Variants in CTNNA2 observed in about 807,000 individuals in gnomAD.
The protein encoded by CTNNA2 is catenin alpha 2, also known as catenin alpha-2.
In CTNNA2, 42 loss-of-function variants were observed where a neutral mutation model predicts 101.0. That is an observed-to-expected ratio of 0.42 (90% confidence interval 0.32 to 0.54). CTNNA2 has a LOEUF of 0.54. CTNNA2 is among the 20% of genes least tolerant of loss of function. The pLI is 0.14. For synonymous variants in CTNNA2, 450 were observed against 456.4 expected (o/e 0.99, Z 0.18); for missense variants, 871 against 1,223.1 (o/e 0.71, Z 4.29).
intron 7 of CTNNA2, among the ~76,000 whole-genome samples, chr2:80,099,399 T>C (rs1700396099): frequency 6.6e-6 from 1 of 152,132 alleles, no homozygotes; most frequent in South Asian, 2.1e-4. Context: ...CATGTTGGAA[T>C]ACATTGATAA....
intron 7 of CTNNA2, among the ~76,000 whole-genome samples, chr2:80,263,825 T>A (rs1169483941): frequency 6.6e-6 from 1 of 152,250 alleles, no homozygotes; most frequent in East Asian, 1.9e-4. Context: ...TTGGTTCCAC[T>A]GTTCCACTGA....
intron 4 of CTNNA2, among the ~76,000 whole-genome samples, chr2:79,475,478 A>T (rs563922537): frequency 1.3e-5 from 2 of 152,194 alleles, no homozygotes; most frequent in African/African-American, 4.8e-5. Context: ...GCTAGCATTG[A>T]ATAAAGCAGA....
At chr2:79,610,819 A>G (rs1016565346) in intron 1 of CTNNA2, among the ~76,000 whole-genome samples, 3 of 152,142 alleles carry the variant, frequency 2.0e-5, no homozygotes, top group African/African-American at 4.8e-5. Context: ...TGTTCCGCAA[A>G]TTATCAAATT....
intron 16 of CTNNA2, among the ~76,000 whole-genome samples, chr2:80,606,933 G>A (rs1698080465): frequency 6.6e-6 from 1 of 151,858 alleles, no homozygotes; most frequent in East Asian, 1.9e-4. Flanking sequence ...GGTCCCTGGA[G>A]TAGGATAAAT....
intron 2 of CTNNA2, among the ~76,000 whole-genome samples, chr2:79,724,292 C>CTG (rs1686674904): frequency 6.6e-6 from 1 of 151,524 alleles, no homozygotes; most frequent in African/African-American, 2.4e-5. Context: ...CAAAACAAAA[C>CTG]AAAGAAACTG....
At chr2:79,824,232 A>T (rs991121037) in intron 3 of CTNNA2, among the ~76,000 whole-genome samples, 1 of 152,140 alleles carries the variant, frequency 6.6e-6, no homozygotes, top group African/African-American at 2.4e-5. Context: ...CTGCTGCCAG[A>T]TACAGTTTCT....
intron 12 of CTNNA2, among the ~76,000 whole-genome samples, chr2:80,556,761 GAA>G (rs1328526160): frequency 3.9e-5 from 6 of 152,176 alleles, no homozygotes; most frequent in African/African-American, 1.4e-4. Context: ...CTAGGGAATA[GAA>G]AAAGAGAATG....
chr2:79,436,153 C>T (rs773060983), intron 4 of CTNNA2, among the ~76,000 whole-genome samples: 11 of 152,066 alleles, frequency 7.2e-5, no homozygotes, highest in Non-Finnish European at 1.3e-4. Context: ...ACACTGATCA[C>T]GGATATGAAA....
chr2:80,228,634 A>T (rs2149069187), intron 7 of CTNNA2, among the ~76,000 whole-genome samples: 1 of 152,322 alleles, frequency 6.6e-6, no homozygotes, highest in Non-Finnish European at 1.5e-5. Flanking sequence ...CACAAGAAAC[A>T]GATCCACTCA....
chr2:80,307,876 A>G (rs1677176971), intron 7 of CTNNA2, among the ~76,000 whole-genome samples: 1 of 152,220 alleles, frequency 6.6e-6, no homozygotes, highest in South Asian at 2.1e-4. Flanking sequence ...AGAAATGATA[A>G]GAATCTTGAA....
chr2:80,224,860 C>T (rs992953220), intron 7 of CTNNA2, among the ~76,000 whole-genome samples: 1 of 151,998 alleles, frequency 6.6e-6, no homozygotes, highest in Non-Finnish European at 1.5e-5. Context: ...TTTCCCACAC[C>T]TTTCTTGCTT....
chr2:80,313,278 C>T (rs1677775335), intron 7 of CTNNA2: 1 of 783,452 alleles, frequency 1.3e-6, no homozygotes, highest in Admixed American at 4.7e-5. Context: ...CAATCTCTGA[C>T]AAGAATCTTG....
At chr2:79,648,385 G>T (rs758002053) in intron 1 of CTNNA2, among the ~76,000 whole-genome samples, 8 of 152,138 alleles carry the variant, frequency 5.3e-5, no homozygotes, top group Non-Finnish European at 1.0e-4. Flanking sequence ...GAAGACTATG[G>T]TTATGATTAC....
chr2:80,557,936 A>G (rs974448105), intron 12 of CTNNA2, among the ~76,000 whole-genome samples: 18 of 152,134 alleles, frequency 1.2e-4, no homozygotes, highest in African/African-American at 4.1e-4. Context: ...AGTTTTTACA[A>G]TTTTTATCCT....
chr2:79,515,677 A>C (rs984543340), intron 1 of CTNNA2, among the ~76,000 whole-genome samples: 2 of 152,224 alleles, frequency 1.3e-5, no homozygotes, highest in Non-Finnish European at 2.9e-5. Flanking sequence ...ACAATTAATA[A>C]AATGTGCATT....
intron 2 of CTNNA2, among the ~76,000 whole-genome samples, chr2:79,243,374 C>T (rs143069141): frequency 1.6e-4 from 25 of 152,290 alleles, no homozygotes; most frequent in African/African-American, 6.0e-4. Flanking sequence ...GCATAGTGTG[C>T]AGTAGTTACT....
At chr2:79,826,897 G>C (rs1678486289) in intron 3 of CTNNA2, among the ~76,000 whole-genome samples, 1 of 152,304 alleles carries the variant, frequency 6.6e-6, no homozygotes, top group South Asian at 2.1e-4. Context: ...CTCAGGAAGA[G>C]AAAGAGAGTC....
intron 2 of CTNNA2, among the ~76,000 whole-genome samples, chr2:79,250,770 T>G (rs1674761144): frequency 6.6e-6 from 1 of 152,218 alleles, no homozygotes; most frequent in Non-Finnish European, 1.5e-5. Context: ...GTATTACATT[T>G]GAATGCCTTA....
chr2:80,562,045 C>T (rs1693649592), intron 12 of CTNNA2, among the ~76,000 whole-genome samples: 2 of 149,626 alleles, frequency 1.3e-5, no homozygotes, highest in East Asian at 1.9e-4. Context: ...AATATAAATG[C>T]ATGGTTCCTA....
Sources: allele counts gnomAD v4.1 joint callset (sites outside exome capture counted in the v4.1 genomes callset), GRCh38; gene constraint gnomAD v4.1.1; transcripts MANE v1.5; gene names NCBI Gene and HGNC (gene_info 2026-07-23, HGNC 2026-07-21).